ZNF44: variants seen among roughly 807,000 people sequenced by gnomAD.
ZNF44 encodes the protein zinc finger protein 44.
Under a neutral mutation model 11.7 loss-of-function variants are expected in ZNF44, and 9 were observed. The ratio of observed to expected loss-of-function variants is 0.77; its 90% CI spans 0.46 to 1.35. The LOEUF (loss-of-function observed/expected upper bound fraction) is 1.35. ZNF44 is among the 40% of genes most tolerant of loss of function. The pLI is 0.00. For synonymous variants in ZNF44, 224 were observed against 242.7 expected, an observed-to-expected ratio of 0.92 and a Z score of 0.72; for missense variants, 696 against 743.1, an observed-to-expected ratio of 0.94 and a Z score of 0.74.
At chr19:12,240,217 G>A (rs1916561771), upstream of ZNF44, among the ~76,000 whole-genome samples, 1 of 151,944 alleles carries the variant, frequency 6.6e-6, no homozygotes, top group Non-Finnish European at 1.5e-5. Context: ...GCTGAGGCAG[G>A]CAGATCACTT....
At chr19:12,243,347 C>G (rs543661047), downstream of ZNF44, among the ~76,000 whole-genome samples, 149 of 152,302 alleles carry the variant, frequency 9.8e-4, no homozygotes, top group African/African-American at 3.4e-3. Flanking sequence ...TCCATTTTCC[C>G]TACCTTCTGG....
intron 1 of ZNF44, among the ~76,000 whole-genome samples, chr19:12,280,562 C>G (rs567830405): frequency 2.0e-5 from 3 of 151,916 alleles, no homozygotes; most frequent in Admixed American, 6.6e-5. Flanking sequence ...AGAAGAACAA[C>G]AAATAGAAAA....
chr19:12,287,595 T>C (rs557028106), intron 1 of ZNF44, among the ~76,000 whole-genome samples: 9 of 152,302 alleles, frequency 5.9e-5, no homozygotes, highest in Non-Finnish European at 1.3e-4. Flanking sequence ...TCACTTAAGA[T>C]CATGGCCTCC....
chr19:12,253,149 G>A (rs546130293), intron 5 of ZNF44, among the ~76,000 whole-genome samples: 8 of 149,476 alleles, frequency 5.4e-5, no homozygotes, highest in South Asian at 2.1e-4. Context: ...TCAGCCGCCC[G>A]AAGTGCTGGG....
intron 5 of ZNF44, chr19:12,260,431 GC>G (rs1917459835): frequency 7.0e-7 from 1 of 1,434,602 alleles, no homozygotes; most frequent in Non-Finnish European, 9.6e-7. Context: ...AACAAGTACC[GC>G]CCCGACCTGC....
At chr19:12,261,740 T>C (rs764360119) in intron 5 of ZNF44, among the ~76,000 whole-genome samples, 1 of 152,192 alleles carries the variant, frequency 6.6e-6, no homozygotes, top group Non-Finnish European at 1.5e-5. Flanking sequence ...CACTAACAGA[T>C]GCACAAGTTA....
intron 1 of ZNF44, among the ~76,000 whole-genome samples, chr19:12,285,684 C>A (rs1216856660): frequency 6.6e-6 from 1 of 152,082 alleles, no homozygotes; most frequent in Non-Finnish European, 1.5e-5. Context: ...AGAGACAAAA[C>A]CAAAAATAAC....
Position 12,254,684 on chromosome 19 carries a change from G to A in ZNF44, c.1913-4316C>T, listed in dbSNP as rs550610647. Among the ~76,000 whole-genome samples the A allele has an allele frequency of 3.1e-4, 47 of 151,770 alleles. No homozygotes were observed. The East Asian group carries it at 3.9e-3, about 13-fold the overall frequency. On this transcript the variant is annotated intron_variant and NMD_transcript_variant, in intron 5 of 7. Coordinates refer to the ZNF44 transcript ENST00000393337. ...AGGGAAGTGGAGGTTGCAGTGAGCC[G>A]CAATCGCACCACTGCACTCCAGCCT...
At chr19:12,252,981 G>C (rs1299667116) in intron 5 of ZNF44, among the ~76,000 whole-genome samples, 1 of 144,708 alleles carries the variant, frequency 6.9e-6, no homozygotes, top group African/African-American at 2.6e-5. Context: ...TCCGCCTCCA[G>C]GGTTTAAGCG....
At chr19:12,269,507 A>G (rs965418164), downstream of ZNF44, among the ~76,000 whole-genome samples, 2 of 151,808 alleles carry the variant, frequency 1.3e-5, no homozygotes, top group African/African-American at 4.8e-5. Context: ...GGGCAACAAG[A>G]GTGAAACTCC....
intron 5 of ZNF44, among the ~76,000 whole-genome samples, chr19:12,252,457 C>G (rs147900282): frequency 1.3e-5 from 2 of 152,270 alleles, no homozygotes; most frequent in East Asian, 3.9e-4. Flanking sequence ...AAGAAAGGTA[C>G]TGCAATAGAA....
At chr19:12,267,259 G>A (rs2145713601), downstream of ZNF44, among the ~76,000 whole-genome samples, 1 of 152,064 alleles carries the variant, frequency 6.6e-6, no homozygotes, top group African/African-American at 2.4e-5. Flanking sequence ...GGTCAGGCTG[G>A]TCTCGAACTC....
intron 5 of ZNF44, among the ~76,000 whole-genome samples, chr19:12,259,319 A>G (rs1254105450): frequency 1.3e-5 from 2 of 152,204 alleles, no homozygotes. Context: ...TTATCAGGAT[A>G]CCTTCATTAA....
intron 1 of ZNF44, among the ~76,000 whole-genome samples, chr19:12,290,433 T>C (rs977092520): frequency 6.1e-5 from 9 of 147,142 alleles, no homozygotes; most frequent in Non-Finnish European, 1.2e-4. Context: ...CCAGGCACAG[T>C]GGTTCACGCC....
chr19:12,255,091 AACACACACACACAC>A (rs140940065), intron 5 of ZNF44, among the ~76,000 whole-genome samples: 188 of 145,736 alleles, frequency 1.3e-3, no homozygotes, highest in African/African-American at 4.4e-3. Flanking sequence ...TCCGTCTCAA[AACACACACACACAC>A]ACACACACAC....
chr19:12,279,604 A>C (rs1039636760), intron 1 of ZNF44, among the ~76,000 whole-genome samples: 1 of 152,138 alleles, frequency 6.6e-6, no homozygotes, highest in Non-Finnish European at 1.5e-5. Flanking sequence ...ACTGAATAAA[A>C]ACAGTAAAGC....
intron 5 of ZNF44, among the ~76,000 whole-genome samples, chr19:12,256,562 G>C (rs768651401): frequency 1.3e-4 from 20 of 152,082 alleles, no homozygotes; most frequent in Non-Finnish European, 2.5e-4. Context: ...TAATTTTCAG[G>C]AATTTAGCCA....
intron 1 of ZNF44, chr19:12,285,201 AAAAT>A (rs1967679295): frequency 2.2e-6 from 1 of 455,344 alleles, no homozygotes; most frequent in Non-Finnish European, 3.9e-6. Context: ...TCATACAAGA[AAAAT>A]AAAGTAAATT....
intron 5 of ZNF44, among the ~76,000 whole-genome samples, chr19:12,257,798 CAAAAAAA>C (rs1221289652): frequency 1.9e-5 from 1 of 53,670 alleles, no homozygotes; most frequent in African/African-American, 6.7e-5. Context: ...AACTCTGTCT[CAAAAAAA>C]AAAAAAAAAA....
Sources: allele counts gnomAD v4.1 joint callset (sites outside exome capture counted in the v4.1 genomes callset), GRCh38; gene constraint gnomAD v4.1.1; transcripts MANE v1.5; gene names NCBI Gene and HGNC (gene_info 2026-07-23, HGNC 2026-07-21).